Variants in ABCC11 observed in about 807,000 individuals in gnomAD.
ABCC11 encodes the protein ATP binding cassette subfamily C member 11.
A neutral mutation model predicts 149.3 loss-of-function variants in ABCC11; 135 were observed. The ratio of observed to expected loss-of-function variants is 0.90; its 90% CI spans 0.79 to 1.04. ABCC11 has a LOEUF of 1.04. Among genes scored for constraint, ABCC11 ranks in the 50% least tolerant of loss-of-function variants. ABCC11 has a pLI of 0.00. For synonymous variants in ABCC11, 665 were observed against 671.4 expected, an observed-to-expected ratio of 0.99 and a Z score of 0.15; for missense variants, 1,680 against 1,722.1, an observed-to-expected ratio of 0.98 and a Z score of 0.43.
At chr16:48,224,156 T>C in intron 5 of ABCC11, 126 bp downstream of exon 5, 1 of 1,311,764 alleles carries the variant, frequency 7.6e-7, no homozygotes, top group Non-Finnish European at 1.0e-6. Context: ...GGTCTTCATT[T>C]TCTAGACAGC....
In ABCC11 at chr16:48,220,946, A is replaced by C. The variant is rs118015778; in HGVS notation, c.777+1652T>G. Among the ~76,000 whole-genome samples, 10 of 152,322 alleles carry C rather than the reference A, an allele frequency of 6.6e-5. No homozygotes were observed. The East Asian group carries it at 1.9e-3, about 29-fold the overall frequency. On this transcript the variant is annotated intron_variant, in intron 6 of 29. Transcript: ENST00000356608. Reference sequence around the variant, plus strand: ...CCAGATTTGTGCAAAAAGAACTGCAAATGCTTAGCAGGGAATGCCAGTAGA... The same window carrying C: ...CCAGATTTGTGCAAAAAGAACTGCACATGCTTAGCAGGGAATGCCAGTAGA...
intron 25 of ABCC11, among the ~76,000 whole-genome samples, chr16:48,176,633 C>G (rs1966090846): frequency 6.6e-6 from 1 of 152,196 alleles, no homozygotes; most frequent in African/African-American, 2.4e-5. Flanking sequence ...CCCAGTACCA[C>G]TAGCCCCATT....
At chr16:48,228,694 T>C (rs1970241278) in intron 3 of ABCC11, among the ~76,000 whole-genome samples, 1 of 152,178 alleles carries the variant, frequency 6.6e-6, no homozygotes, top group African/African-American at 2.4e-5. Flanking sequence ...ATCACATTGC[T>C]GATAGTGGTT....
At chr16:48,213,350 G>T in intron 10 of ABCC11, 93 bp downstream of exon 10, 1 of 1,124,324 alleles carries the variant, frequency 8.9e-7, no homozygotes, top group Non-Finnish European at 1.3e-6. Flanking sequence ...CCTAGGCCTT[G>T]GCCAGGGGAC....
Position 48,167,298 on chromosome 16 carries a change from G to C in ABCC11, c.4125C>G (p.Ala1375=). ...CTTATCTCAGTGAAGAAGTGGCTGT[G>C]GCCATGAGGGCTGCGAACAATGACC... ...KPGSLFAALM[A]TATSSLR The change falls in exon 30 of 30, where the codon GCC becomes GCG. Residue 1375 remains alanine (A), a synonymous_variant. Transcript: ENST00000356608. 1 of 844,086 alleles carries C rather than the reference G, an allele frequency of 1.2e-6. No homozygotes were observed. The highest frequency in any genetic ancestry group is 2.1e-6 in the Non-Finnish European group (1 of 475,986). The allele number at this position is 844,086 out of a possible 1,614,324, so 52.3% of individuals were successfully genotyped here.
intron 11 of ABCC11, 27 bp from the exon 12 acceptor site, chr16:48,208,523 G>A: frequency 6.2e-7 from 1 of 1,613,676 alleles, no homozygotes; most frequent in South Asian, 1.1e-5. Flanking sequence ...ACATACAAGT[G>A]TTGGGACAGC....
At chr16:48,240,094 A>G (rs1470675116) in intron 1 of ABCC11, among the ~76,000 whole-genome samples, 1 of 152,228 alleles carries the variant, frequency 6.6e-6, no homozygotes. Context: ...AATTAGTTTG[A>G]CCATTGCGGA....
At chr16:48,246,667 T>C (rs2031401256) in intron 1 of ABCC11, among the ~76,000 whole-genome samples, 1 of 152,202 alleles carries the variant, frequency 6.6e-6, no homozygotes, top group South Asian at 2.1e-4. Flanking sequence ...ATTGAACTCC[T>C]GGGCTCAAGT....
chr16:48,212,063 G>A (rs1439654671), intron 10 of ABCC11, among the ~76,000 whole-genome samples: 1 of 152,152 alleles, frequency 6.6e-6, no homozygotes, highest in Admixed American at 6.5e-5. Flanking sequence ...AGAATGAATG[G>A]GTGAACCCAG....
intron 20 of ABCC11, among the ~76,000 whole-genome samples, chr16:48,190,603 A>G (rs1001728638): frequency 2.6e-5 from 4 of 152,140 alleles, no homozygotes; most frequent in Non-Finnish European, 5.9e-5. Flanking sequence ...AGCTCAAGCA[A>G]TCCACTCACC....
chr16:48,188,852 T>C (rs1281459485), intron 20 of ABCC11, among the ~76,000 whole-genome samples: 1 of 152,112 alleles, frequency 6.6e-6, no homozygotes, highest in African/African-American at 2.4e-5. Flanking sequence ...ATGCAAGAAG[T>C]AGAAATGAAT....
In ABCC11 at chr16:48,230,465, T is replaced by C; in HGVS notation, c.208A>G (p.Thr70Ala). Residue 70 changes from threonine (T) to alanine (A), a missense_variant, in exon 3 of 30, where the codon ACC becomes GCC. Coordinates refer to ENST00000356608, the MANE Select transcript of ABCC11 (RefSeq NM_001370497.1). ...PWGKYDAALR[T>A]MIPFRPKPRF... is the part of the protein sequence containing the mutation. ...GGCTTGGGACGGAAGGGAATCATGG[T>C]TCTCAAGGCAGCATCATACTTCCCC... is the stretch of plus-strand genomic sequence containing the variant. 1 of 1,610,192 alleles carries C rather than the reference T, an allele frequency of 6.2e-7. No homozygotes were observed. Among genetic ancestry groups the C allele is most frequent in the Non-Finnish European group, 8.5e-7 (1 of 1,178,328 alleles).
Position 48,224,300 on chromosome 16 carries a change from A to T in ABCC11, c.525T>A (p.Ile175=). 6.2e-7 allele frequency: 1 copy of T among 1,614,182 alleles called. No homozygotes were observed. Among genetic ancestry groups the T allele is most frequent in the Non-Finnish European group, 8.5e-7 (1 of 1,180,014 alleles). ...CACTTACTGGCCCGAGTACACTGGC[A>T]ATGCAGAAGCAGATGCCCAGAAGTG... ...FDALLGICFC[I]ASVLGPILII... is the part of the protein sequence containing the mutation. The change falls in exon 5 of 30, where the codon ATT becomes ATA. Residue 175 remains isoleucine (I), a synonymous_variant. Coordinates refer to ENST00000356608, the MANE Select transcript of ABCC11 (RefSeq NM_001370497.1).
At chr16:48,176,854 C>T in intron 25 of ABCC11, 70 bp downstream of exon 25, 1 of 1,514,466 alleles carries the variant, frequency 6.6e-7, no homozygotes, top group Non-Finnish European at 8.9e-7. Flanking sequence ...AAACACATGC[C>T]CCTAAATAGG....
chr16:48,200,163 T>C lies in ABCC11; in HGVS notation c.2082+113A>G, dbSNP rs1284026271. 5 of 1,170,772 alleles carry C rather than the reference T, an allele frequency of 4.3e-6. No individual in the cohort carries two copies. The East Asian group carries it at 1.2e-4, about 28-fold the overall frequency. The allele number at this position is 1,170,772 out of a possible 1,614,324, so 72.5% of individuals were successfully genotyped here. A position where few individuals can be genotyped will look rare whatever the true frequency, so the allele number is the denominator to read the frequency against. Reference sequence around the variant, plus strand: ...TCCCCAAATGTGGAGGAGTCTAACCTGAGATGAGGACAGCTGCTGGGAGGC... The same window carrying C: ...TCCCCAAATGTGGAGGAGTCTAACCCGAGATGAGGACAGCTGCTGGGAGGC... On this transcript the variant is annotated intron_variant, in intron 15 of 29. Coordinates refer to ENST00000356608, the MANE Select transcript of ABCC11 (RefSeq NM_001370497.1).
intron 1 of ABCC11, chr16:48,244,388 C>G: frequency 6.5e-7 from 1 of 1,540,868 alleles, no homozygotes; most frequent in African/African-American, 1.4e-5. Flanking sequence ...AGGCTGCCAG[C>G]ATGTCATCAG....
intron 12 of ABCC11, among the ~76,000 whole-genome samples, chr16:48,206,605 A>T (rs1391519056): frequency 2.0e-5 from 3 of 152,256 alleles, no homozygotes; most frequent in Admixed American, 2.0e-4. Flanking sequence ...TTAAAATGGC[A>T]TCTCTGTCTT....
chr16:48,221,886 T>C (rs1215677128), intron 6 of ABCC11, among the ~76,000 whole-genome samples: 9 of 151,814 alleles, frequency 5.9e-5, no homozygotes, highest in Admixed American at 5.9e-4. Flanking sequence ...GGACTATAGG[T>C]ATATACCACC....
chr16:48,244,778 G>A (rs974995008), intron 1 of ABCC11, among the ~76,000 whole-genome samples: 1 of 152,214 alleles, frequency 6.6e-6, no homozygotes, highest in African/African-American at 2.4e-5. Flanking sequence ...AAATGGGGAT[G>A]TCAGATACCT....
Sources: gnomAD v4.1 joint callset for allele counts (sites outside exome capture counted in the v4.1 genomes callset) on GRCh38, gnomAD v4.1.1 for gene constraint, MANE v1.5 for transcripts, NCBI Gene and HGNC (gene_info 2026-07-23, HGNC 2026-07-21) for gene names.